FBN2: variants seen among roughly 807,000 people sequenced by gnomAD.
FBN2 encodes fibrillin 2, also known as fibrillin-2.
A neutral mutation model predicts 355.6 loss-of-function variants in FBN2; 105 were observed. The ratio of observed to expected loss-of-function variants is 0.30; its 90% CI spans 0.25 to 0.35. The LOEUF (loss-of-function observed/expected upper bound fraction) is 0.35, where lower values mean the gene tolerates loss of function less well. Among genes scored for constraint, FBN2 ranks in the 10% least tolerant of loss-of-function variants. FBN2 has a pLI of 1.00. For synonymous variants in FBN2, 1,350 were observed against 1,301.2 expected (o/e 1.04, Z -0.81); for missense variants, 3,280 against 3,758.7 (o/e 0.87, Z 3.33).
rs369308361 is a variant in FBN2, at chr5:128,344,345, C to A, written c.3343+40G>T. The A allele has an allele frequency of 1.9e-6, 3 of 1,610,318 alleles. No homozygotes were observed. In the African/African-American group the frequency reaches 4.0e-5, roughly 22 times the overall value. On this transcript the variant is annotated intron_variant, in intron 25 of 64. Transcript: ENST00000262464. ...CCTTTCAAACAGAGTAAAGGAAAGA[C>A]AGCCAGAGTTTATCAAATAAAACAG...
chr5:128,529,990 A>G (rs548603568), intron 3 of FBN2, among the ~76,000 whole-genome samples: 1 of 152,316 alleles, frequency 6.6e-6, no homozygotes, highest in African/African-American at 2.4e-5. Context: ...ACTTCACACT[A>G]GTTTGAGGCA....
intron 11 of FBN2, among the ~76,000 whole-genome samples, chr5:128,386,767 C>T (rs1028912660): frequency 6.6e-6 from 1 of 152,086 alleles, no homozygotes; most frequent in Non-Finnish European, 1.5e-5. Flanking sequence ...GCTGAACTCA[C>T]CTTGCATCCT....
chr5:128,416,629 G>C (rs1412594464), intron 7 of FBN2, among the ~76,000 whole-genome samples: 1 of 152,150 alleles, frequency 6.6e-6, no homozygotes, highest in African/African-American at 2.4e-5. Context: ...TCTGCATATA[G>C]ATATCCAGTT....
At chr5:128,374,472 T>C (rs1476289732) in intron 15 of FBN2, among the ~76,000 whole-genome samples, 156 bp downstream of exon 15, 2 of 152,268 alleles carry the variant, frequency 1.3e-5, no homozygotes, top group Non-Finnish European at 2.9e-5. Flanking sequence ...GTTTTGTGAC[T>C]GGCTTCTTTC....
chr5:128,480,989 G>A (rs909270300), intron 5 of FBN2, among the ~76,000 whole-genome samples: 1 of 152,126 alleles, frequency 6.6e-6, no homozygotes, highest in African/African-American at 2.4e-5. Flanking sequence ...CACTTAAATG[G>A]ATAGCAGGAT....
intron 7 of FBN2, among the ~76,000 whole-genome samples, chr5:128,429,249 T>C (rs1753559086): frequency 6.6e-6 from 1 of 152,152 alleles, no homozygotes; most frequent in Admixed American, 6.6e-5. Flanking sequence ...GGATTCTCTT[T>C]TTACACAGCT....
intron 27 of FBN2, 37 bp from the exon 28 acceptor site, chr5:128,336,150 G>A: frequency 6.2e-7 from 1 of 1,606,112 alleles, no homozygotes; most frequent in Non-Finnish European, 8.5e-7. Context: ...TTTACACAAT[G>A]TCCACTCACT....
At chr5:128,340,699 T>C (rs900375646) in intron 25 of FBN2, among the ~76,000 whole-genome samples, 34 of 152,200 alleles carry the variant, frequency 2.2e-4, no homozygotes, top group African/African-American at 8.2e-4. Flanking sequence ...ATTTAGTCTC[T>C]CTGTGCCTCA....
intron 20 of FBN2, among the ~76,000 whole-genome samples, chr5:128,355,810 G>A (rs1309570385): frequency 1.3e-5 from 2 of 152,198 alleles, no homozygotes; most frequent in East Asian, 3.8e-4. Flanking sequence ...ATAAATGAAA[G>A]CACACAATAC....
At chr5:128,456,660 G>A (rs1754403866) in intron 6 of FBN2, among the ~76,000 whole-genome samples, 1 of 151,986 alleles carries the variant, frequency 6.6e-6, no homozygotes, top group South Asian at 2.1e-4. Flanking sequence ...GATGAATAAG[G>A]CCTGAAGTGA....
At chr5:128,479,663 A>T (rs1035343200) in intron 5 of FBN2, among the ~76,000 whole-genome samples, 1 of 152,036 alleles carries the variant, frequency 6.6e-6, no homozygotes, top group Non-Finnish European at 1.5e-5. Flanking sequence ...CTGGTGGCTC[A>T]TGTCTGAAAT....
chr5:128,432,979 C>T (rs1290776520), intron 7 of FBN2, among the ~76,000 whole-genome samples: 1 of 151,952 alleles, frequency 6.6e-6, no homozygotes, highest in Admixed American at 6.6e-5. Flanking sequence ...ATAAAATCAC[C>T]AGATCTCATG....
At chr5:128,360,942 T>C (rs1751623976) in intron 19 of FBN2, among the ~76,000 whole-genome samples, 1 of 152,180 alleles carries the variant, frequency 6.6e-6, no homozygotes, top group East Asian at 1.9e-4. Context: ...GACCCTTCTG[T>C]AGGCCCACAC....
intron 7 of FBN2, among the ~76,000 whole-genome samples, chr5:128,434,467 T>G (rs1257223726): frequency 7.1e-6 from 1 of 141,088 alleles, no homozygotes; most frequent in African/African-American, 2.8e-5. Flanking sequence ...CAGTCTTGGA[T>G]CTAGGTATTA....
chr5:128,533,595 C>G (rs1756765928), intron 2 of FBN2, among the ~76,000 whole-genome samples: 2 of 152,144 alleles, frequency 1.3e-5, no homozygotes, highest in Admixed American at 1.3e-4. Context: ...CCCAAAAGGT[C>G]TGAAGTTTAG....
rs752439906 is a variant in FBN2 at position 128,272,045 on chromosome 5, G to A, written c.7914C>T (p.Gly2638=). 2 of 1,614,048 alleles carry A rather than the reference G, an allele frequency of 1.2e-6. No individual in the cohort carries two copies. Among genetic ancestry groups the A allele is most frequent in the South Asian group, 2.2e-5 (2 of 91,078 alleles). The change falls in exon 62 of 65, where the codon GGC becomes GGT. Residue 2638 remains glycine, a synonymous_variant. Coordinates refer to ENST00000262464, the MANE Select transcript of FBN2 (RefSeq NM_001999.4). ...CQNILGGYRC[G]CPQGYIQHYQ... ...AGTGCTGGATGTAGCCTTGGGGGCAGCCACATCTGTAGCCACCCAGGATGT... is the reference window on the plus strand; with the variant it reads ...AGTGCTGGATGTAGCCTTGGGGGCAACCACATCTGTAGCCACCCAGGATGT...
chr5:128,377,657 G>A (rs1342823523), intron 13 of FBN2, 95 bp downstream of exon 13: 25 of 1,239,066 alleles, frequency 2.0e-5, no homozygotes, highest in South Asian at 1.6e-4. Context: ...TCTCACATAC[G>A]TGGTGTGTGA....
rs1750917005 is a variant in FBN2 at position 128,338,930 on chromosome 5, T to C, written c.3472+3A>G. 6.2e-7 allele frequency: 1 copy of C among 1,613,912 alleles called. No homozygotes were observed. Among genetic ancestry groups the C allele is most frequent in the East Asian group, 2.2e-5 (1 of 44,858 alleles). On this transcript the variant is annotated splice_donor_region_variant and intron_variant, in intron 26 of 64. Transcript: ENST00000262464. The stretch of plus-strand genomic sequence containing the variant: ...CTGGCGAGGAAGAGCTCACGGTGCT[T>C]ACCCATGCAGTTCTTCATCATCATG...
intron 31 of FBN2, among the ~76,000 whole-genome samples, chr5:128,334,423 C>T (rs1388654372): frequency 6.6e-6 from 1 of 152,156 alleles, no homozygotes; most frequent in Non-Finnish European, 1.5e-5. Flanking sequence ...CAGAAAGTGA[C>T]TGATGCTGCA....
Sources: allele counts gnomAD v4.1 joint callset (sites outside exome capture counted in the v4.1 genomes callset), GRCh38; gene constraint gnomAD v4.1.1; transcripts MANE v1.5; gene names NCBI Gene and HGNC (gene_info 2026-07-23, HGNC 2026-07-21).